FAM117A: variants seen among roughly 807,000 people sequenced by gnomAD.
The protein encoded by FAM117A is protein FAM117A.
Under a neutral mutation model 44.1 loss-of-function variants are expected in FAM117A, and 21 were observed. The ratio of observed to expected loss-of-function variants is 0.48; its 90% CI spans 0.34 to 0.69. FAM117A has a LOEUF of 0.69. Among genes scored for constraint, FAM117A ranks in the 30% least tolerant of loss-of-function variants. The probability of loss-of-function intolerance (pLI) is 0.01; values close to 1 mark genes in which losing one functional copy is unlikely to be tolerated. For missense variants in FAM117A, 498 were observed against 589.9 expected, an observed-to-expected ratio of 0.84 and a Z score of 1.61; for synonymous variants, 220 against 238.3, an observed-to-expected ratio of 0.92 and a Z score of 0.71.
chr17:49,731,923 C>G (rs1380874128), intron 2 of FAM117A, among the ~76,000 whole-genome samples: 2 of 152,072 alleles, frequency 1.3e-5, no homozygotes, highest in African/African-American at 4.8e-5. Context: ...GTAGCTGGGA[C>G]TGCAGGCACC....
chr17:49,760,881 C>G (rs998206322), intron 1 of FAM117A, among the ~76,000 whole-genome samples: 1 of 152,202 alleles, frequency 6.6e-6, no homozygotes, highest in Non-Finnish European at 1.5e-5. Context: ...TAGGTTTCTA[C>G]TACCCAATAA....
chr17:49,712,834 TGTG>T (rs1428634352), intron 7 of FAM117A, among the ~76,000 whole-genome samples: 1 of 152,186 alleles, frequency 6.6e-6, no homozygotes, highest in East Asian at 1.9e-4. Context: ...TAACTCACCA[TGTG>T]GTCCTTGTCA....
intron 1 of FAM117A, among the ~76,000 whole-genome samples, chr17:49,777,742 G>A (rs773242085): frequency 5.9e-5 from 9 of 152,160 alleles, no homozygotes; most frequent in Admixed American, 3.9e-4. Flanking sequence ...CGGGGCTAAT[G>A]GCCTCCCTGC....
chr17:49,762,824 G>A (rs529287386), intron 1 of FAM117A, among the ~76,000 whole-genome samples: 1 of 152,288 alleles, frequency 6.6e-6, no homozygotes, highest in African/African-American at 2.4e-5. Context: ...CATGCAAGTA[G>A]GTTCCTTTTC....
At position 49,711,336 on chromosome 17, in the gene FAM117A, G is replaced by A; in HGVS notation, c.1281C>T (p.Ala427=). The change falls in exon 8 of 8, where the codon GCC becomes GCT. Residue 427 remains alanine, a synonymous_variant. Transcript: ENST00000240364. ...GCCATGGCTCGAATGGCAGTGGGGAGGCCTTGGAGGCTTCCGGATCCTTCC... is the reference window on the plus strand; with the variant it reads ...GCCATGGCTCGAATGGCAGTGGGGAAGCCTTGGAGGCTTCCGGATCCTTCC... ...PPRKDPEASK[A]SPLPFEPWQR... 5 of 1,608,786 alleles carry A rather than the reference G, an allele frequency of 3.1e-6. No individual in the cohort carries two copies. The highest frequency in any genetic ancestry group is 4.5e-5 in the East Asian group (2 of 44,778).
At chr17:49,784,406 A>C (rs552698601) in intron 1 of FAM117A, among the ~76,000 whole-genome samples, 1 of 152,272 alleles carries the variant, frequency 6.6e-6, no homozygotes, top group South Asian at 2.1e-4. Context: ...GATTGCTAAA[A>C]TGCATGTCTG....
At chr17:49,719,474 T>A (rs1039871873) in intron 5 of FAM117A, among the ~76,000 whole-genome samples, 4 of 152,198 alleles carry the variant, frequency 2.6e-5, no homozygotes, top group Non-Finnish European at 4.4e-5. Flanking sequence ...GCAGTTTGGC[T>A]GAAGATGACC....
intron 1 of FAM117A, among the ~76,000 whole-genome samples, chr17:49,741,976 A>C (rs1286633364): frequency 2.6e-5 from 4 of 152,172 alleles, no homozygotes; most frequent in African/African-American, 9.7e-5. Context: ...ATCCCAGCTG[A>C]AAAAATTAAA....
At chr17:49,716,116 A>T in intron 7 of FAM117A, 49 bp downstream of exon 7, 1 of 1,585,350 alleles carries the variant, frequency 6.3e-7, no homozygotes, top group Non-Finnish European at 8.6e-7. Flanking sequence ...AGGTGGGAGA[A>T]TGTAGGCCCA....
intron 2 of FAM117A, among the ~76,000 whole-genome samples, chr17:49,731,434 CTG>C (rs1189957215): frequency 3.3e-5 from 5 of 152,218 alleles, no homozygotes; most frequent in Admixed American, 1.3e-4. Flanking sequence ...TAAGAAATGT[CTG>C]TATAATTTCA....
intron 1 of FAM117A, among the ~76,000 whole-genome samples, chr17:49,739,861 C>G (rs1174800606): frequency 2.0e-5 from 3 of 152,196 alleles, no homozygotes; most frequent in African/African-American, 7.2e-5. Flanking sequence ...GTATTATCAG[C>G]CCATCACATG....
intron 1 of FAM117A, among the ~76,000 whole-genome samples, chr17:49,775,174 G>T (rs1281561113): frequency 6.6e-6 from 1 of 152,158 alleles, no homozygotes; most frequent in Non-Finnish European, 1.5e-5. Context: ...TTTTAGTAGA[G>T]ACGGGGTTTT....
At chr17:49,733,500 C>G (rs1340218094) in intron 1 of FAM117A, among the ~76,000 whole-genome samples, 1 of 151,626 alleles carries the variant, frequency 6.6e-6, no homozygotes, top group East Asian at 2.0e-4. Context: ...TGGTGAAACC[C>G]CATCTCTACT....
chr17:49,727,649 G>A (rs1004353484), intron 2 of FAM117A, among the ~76,000 whole-genome samples: 5 of 152,182 alleles, frequency 3.3e-5, no homozygotes, highest in African/African-American at 1.2e-4. Context: ...GGGCATGGGG[G>A]TGGAGGACAG....
At chr17:49,721,926 TAAAAA>T (rs55897746) in intron 3 of FAM117A, among the ~76,000 whole-genome samples, 2 of 140,356 alleles carry the variant, frequency 1.4e-5, no homozygotes, top group Non-Finnish European at 3.1e-5. Flanking sequence ...CCATCTCTAC[TAAAAA>T]AAAAAAAAAA....
At chr17:49,763,140 AC>A in intron 1 of FAM117A, among the ~76,000 whole-genome samples, 1 of 151,448 alleles carries the variant, frequency 6.6e-6, no homozygotes, top group African/African-American at 2.4e-5. Flanking sequence ...ACACACACAC[AC>A]ACACACACAC....
intron 1 of FAM117A, among the ~76,000 whole-genome samples, chr17:49,749,498 A>C (rs1555597242): frequency 8.0e-6 from 1 of 124,386 alleles, no homozygotes; most frequent in African/African-American, 2.6e-5. Context: ...AATCGCCTGA[A>C]TCTGGGAGGC....
intron 1 of FAM117A, among the ~76,000 whole-genome samples, chr17:49,751,347 C>T (rs1469517209): frequency 6.6e-6 from 1 of 151,038 alleles, no homozygotes; most frequent in East Asian, 1.9e-4. Flanking sequence ...TTGGGAGGCC[C>T]AGGCAGGTGG....
chr17:49,732,142 C>T lies in FAM117A; in HGVS notation c.366+409G>A, dbSNP rs146354748. On this transcript the variant is annotated intron_variant, in intron 2 of 7. Transcript: ENST00000240364. ...CTCTAAAGTCAGCTGTTGATTACCC[C>T]GACACAAATACTCAAAGCTAAACTG... is the stretch of plus-strand genomic sequence containing the variant. 2.4e-5 allele frequency: 4 copies of T among 165,782 alleles called. No individual in the cohort carries two copies. The East Asian group carries it at 4.9e-4, about 21-fold the overall frequency. 10.3% of individuals were successfully genotyped at this position (165,782 alleles called of 1,614,324 possible). A position where few individuals can be genotyped will look rare whatever the true frequency, so the allele number is the denominator to read the frequency against.
Sources: allele counts gnomAD v4.1 joint callset (sites outside exome capture counted in the v4.1 genomes callset), GRCh38; gene constraint gnomAD v4.1.1; transcripts MANE v1.5; gene names NCBI Gene and HGNC (gene_info 2026-07-23, HGNC 2026-07-21).